ITGB8: variants seen among roughly 807,000 people sequenced by gnomAD.
ITGB8 encodes integrin subunit beta 8.
ITGB8 carries 30 observed loss-of-function variants against 89.5 expected under a neutral mutation model. That is an observed-to-expected ratio of 0.34 (90% CI 0.25 to 0.45). The LOEUF is 0.45. ITGB8 is among the 20% of genes least tolerant of loss of function. The pLI is 1.00. For synonymous variants in ITGB8, 335 were observed against 320.4 expected, an observed-to-expected ratio of 1.05 and a Z score of -0.49; for missense variants, 836 against 933.3, an observed-to-expected ratio of 0.90 and a Z score of 1.36.
chr7:20,402,536 A>G (rs933448014), intron 10 of ITGB8, among the ~76,000 whole-genome samples: 1 of 152,160 alleles, frequency 6.6e-6, no homozygotes, highest in East Asian at 1.9e-4. Context: ...TTCTGTCAGG[A>G]TGATGGGGAG....
rs181108650 is a variant in ITGB8 at position 20,401,944 on chromosome 7, A to G, written c.1505A>G (p.Asp502Gly). Residue 502 changes from aspartate to glycine, a missense_variant, in exon 10 of 14, where the codon GAT (aspartate) becomes GGT (glycine). Asp to Gly is a moderately conservative substitution (Grantham distance 94). Transcript: ENST00000222573. ...TGTGATGAGAATAAATGTCATTTTG[A>G]TGAAGATCAGTTTTCTTCTGAGAGT... ...FQCDENKCHF[D>G]EDQFSSESCK... The G allele has an allele frequency of 6.2e-7, 1 of 1,614,072 alleles. No homozygotes were observed. Among genetic ancestry groups the G allele is most frequent in the Admixed American group, 1.7e-5 (1 of 60,002 alleles).
chr7:20,334,643 A>G (rs1784518128), intron 1 of ITGB8, among the ~76,000 whole-genome samples: 1 of 152,194 alleles, frequency 6.6e-6, no homozygotes, highest in Admixed American at 6.5e-5. Context: ...ATGCTTACCT[A>G]AAGTGATCGG....
At chr7:20,395,131 C>G (rs529035874) in intron 8 of ITGB8, 146 bp downstream of exon 8, 1 of 563,386 alleles carries the variant, frequency 1.8e-6, no homozygotes, top group East Asian at 2.8e-5. Flanking sequence ...CATCCCTGGC[C>G]CTACCACTAA....
intron 1 of ITGB8, among the ~76,000 whole-genome samples, chr7:20,357,219 T>C (rs1435179482): frequency 6.6e-6 from 1 of 152,226 alleles, no homozygotes; most frequent in Non-Finnish European, 1.5e-5. Flanking sequence ...TTTGTAGTGA[T>C]GCCAAAATTG....
chr7:20,341,728 T>C (rs1784762128), intron 1 of ITGB8, among the ~76,000 whole-genome samples: 1 of 152,090 alleles, frequency 6.6e-6, no homozygotes, highest in Non-Finnish European at 1.5e-5. Flanking sequence ...GACAGTTGGC[T>C]ACTTGGGGGT....
chr7:20,412,770 T>C lies in ITGB8; in HGVS notation c.*2773T>C, dbSNP rs1184032710. 1 of 152,606 alleles carries C rather than the reference T, an allele frequency of 6.6e-6. No homozygotes were observed. The highest frequency in any genetic ancestry group is 1.9e-4 in the East Asian group (1 of 5,200). The allele number at this position is 152,606 out of a possible 1,614,324, so 9.5% of individuals were successfully genotyped here. On this transcript the variant is annotated 3_prime_UTR_variant, in exon 14 of 14. Coordinates refer to ENST00000222573, the MANE Select transcript of ITGB8 (RefSeq NM_002214.3). ...AATTGATATCTTCCTGTGTAATGATTTGTGAGATGAGAATTAATATTTGAC... is the reference window on the plus strand; with the variant it reads ...AATTGATATCTTCCTGTGTAATGATCTGTGAGATGAGAATTAATATTTGAC...
At chr7:20,363,579 A>C in intron 1 of ITGB8, 58 bp from the exon 2 acceptor site, 1 of 1,028,528 alleles carries the variant, frequency 9.7e-7, no homozygotes. Flanking sequence ...TTTAGTCTAG[A>C]ATTATATACG....
At chr7:20,366,675 G>T (rs952762943) in intron 2 of ITGB8, 1 of 211,096 alleles carries the variant, frequency 4.7e-6, no homozygotes, top group Non-Finnish European at 9.3e-6. Context: ...TGAGGCAAGA[G>T]AATTTTTAGA....
chr7:20,368,523 ATCTC>A (rs1785796511), intron 3 of ITGB8, among the ~76,000 whole-genome samples: 1 of 152,060 alleles, frequency 6.6e-6, no homozygotes, highest in Non-Finnish European at 1.5e-5. Flanking sequence ...AACCATCTTT[ATCTC>A]TCTTTTTTGT....
intron 9 of ITGB8, among the ~76,000 whole-genome samples, chr7:20,400,825 C>T (rs1428505398): frequency 3.3e-5 from 5 of 152,042 alleles, no homozygotes; most frequent in Non-Finnish European, 5.9e-5. Flanking sequence ...ATTTTTCTTT[C>T]GAGTAACATC....
chr7:20,340,554 G>A (rs1000906118), intron 1 of ITGB8, among the ~76,000 whole-genome samples: 12 of 152,284 alleles, frequency 7.9e-5, no homozygotes, highest in African/African-American at 2.6e-4. Context: ...AGGATAAAGC[G>A]GGTTGAAATT....
At chr7:20,371,958 T>C (rs1562675740) in intron 3 of ITGB8, among the ~76,000 whole-genome samples, 1 of 152,208 alleles carries the variant, frequency 6.6e-6, no homozygotes, top group South Asian at 2.1e-4. Flanking sequence ...CCATTAGCTG[T>C]TTTCTTTTGC....
Position 20,331,769 on chromosome 7 carries a change from C to G in ITGB8, c.-38C>G. On this transcript the variant is annotated 5_prime_UTR_variant, in exon 1 of 14. Coordinates refer to ENST00000222573, the MANE Select transcript of ITGB8 (RefSeq NM_002214.3). ...GAGGCGCGAGCCCGCGTCCGGAAGGCAGTCAGGCGGCGGGCGCGGGGCGGG... is the reference window on the plus strand; with the variant it reads ...GAGGCGCGAGCCCGCGTCCGGAAGGGAGTCAGGCGGCGGGCGCGGGGCGGG... 1 of 1,594,432 alleles carries G rather than the reference C, an allele frequency of 6.3e-7. No individual in the cohort carries two copies. The highest frequency in any genetic ancestry group is 8.5e-7 in the Non-Finnish European group (1 of 1,170,814).
chr7:20,396,688 A>G lies in ITGB8; in HGVS notation c.1146+1703A>G, dbSNP rs3823972. Reference sequence around the variant, plus strand: ...AGTAGTCTGTTCCCAAGAATAATCAAAATAAGACAAGAGCTTATGCTGTAA... The same window carrying G: ...AGTAGTCTGTTCCCAAGAATAATCAGAATAAGACAAGAGCTTATGCTGTAA... On this transcript the variant is annotated intron_variant, in intron 8 of 13. Coordinates refer to ENST00000222573, the MANE Select transcript of ITGB8 (RefSeq NM_002214.3). Among the ~76,000 whole-genome samples, 126 of 152,320 alleles carry G rather than the reference A, an allele frequency of 8.3e-4. No homozygotes were observed. In the East Asian group the frequency reaches 0.017, roughly 21 times the overall value.
At chr7:20,336,265 A>C (rs573576603) in intron 1 of ITGB8, among the ~76,000 whole-genome samples, 98 of 152,054 alleles carry the variant, frequency 6.4e-4, no homozygotes, top group African/African-American at 1.4e-3. Context: ...TCGGCCTCCC[A>C]AAGTGCTGGG....
intron 3 of ITGB8, among the ~76,000 whole-genome samples, chr7:20,376,537 C>T (rs1786153574): frequency 6.6e-6 from 1 of 152,158 alleles, no homozygotes; most frequent in Admixed American, 6.5e-5. Context: ...GCCTAGGACA[C>T]CTGCCCCCAA....
At chr7:20,348,250 C>T (rs1161819965) in intron 1 of ITGB8, among the ~76,000 whole-genome samples, 1 of 152,110 alleles carries the variant, frequency 6.6e-6, no homozygotes, top group Non-Finnish European at 1.5e-5. Flanking sequence ...TTAATGAAAG[C>T]AGGGTCTAGG....
intron 10 of ITGB8, among the ~76,000 whole-genome samples, chr7:20,403,964 A>G (rs1787425321): frequency 6.6e-6 from 1 of 152,168 alleles, no homozygotes; most frequent in African/African-American, 2.4e-5. Context: ...TCTTCACCCC[A>G]CATGCATAAT....
At chr7:20,405,331 T>A (rs530049893) in intron 11 of ITGB8, among the ~76,000 whole-genome samples, 2,079 of 142,674 alleles carry the variant, frequency 0.015, 23 homozygotes, top group Non-Finnish European at 0.018. Flanking sequence ...ATATATATTT[T>A]TTTTTTGTGA....
Sources: gnomAD v4.1 joint callset for allele counts (sites outside exome capture counted in the v4.1 genomes callset) on GRCh38, gnomAD v4.1.1 for gene constraint, MANE v1.5 for transcripts, NCBI Gene and HGNC (gene_info 2026-07-23, HGNC 2026-07-21) for gene names.